Variants in NFIB observed in about 807,000 individuals in gnomAD.
NFIB encodes the protein nuclear factor 1 B-type.
In NFIB, 11 loss-of-function variants were observed where a neutral mutation model predicts 61.5. The observed-to-expected ratio is 0.18, with a 90% confidence interval of 0.11 to 0.30. The LOEUF (loss-of-function observed/expected upper bound fraction) is 0.30. NFIB is among the 10% of genes least tolerant of loss of function. The pLI is 1.00. For synonymous variants in NFIB, 260 were observed against 216.5 expected (o/e 1.20, Z -1.76); for missense variants, 471 against 608.9 (o/e 0.77, Z 2.38).
At chr9:14,153,480 C>T (rs775704535) in intron 4 of NFIB, among the ~76,000 whole-genome samples, 5 of 151,972 alleles carry the variant, frequency 3.3e-5, no homozygotes, top group African/African-American at 7.2e-5. Context: ...AAGAGGATGC[C>T]GATATCCTCT....
intron 2 of NFIB, among the ~76,000 whole-genome samples, chr9:14,275,397 T>C (rs1370007481): frequency 6.6e-6 from 1 of 152,124 alleles, no homozygotes; most frequent in Admixed American, 6.5e-5. Flanking sequence ...CCATCAATCA[T>C]AAAGTCATAG....
chr9:14,434,173 A>G, the NFIB span, among the ~76,000 whole-genome samples: 1 of 152,246 alleles, frequency 6.6e-6, no homozygotes, highest in African/African-American at 2.4e-5. Context: ...GAACAATAAT[A>G]AATTCCTTGA....
intron 1 of NFIB, among the ~76,000 whole-genome samples, chr9:14,345,045 G>C (rs1024780891): frequency 6.6e-6 from 1 of 152,118 alleles, no homozygotes; most frequent in African/African-American, 2.4e-5. Context: ...AGCTCCAGGG[G>C]TTCTGGGAGT....
intron 1 of NFIB, among the ~76,000 whole-genome samples, chr9:14,311,521 T>C (rs746568606): frequency 2.7e-5 from 4 of 148,994 alleles, no homozygotes; most frequent in Non-Finnish European, 6.0e-5. Context: ...ATTATTAAAA[T>C]AGTAGAGAAT....
chr9:14,246,166 C>T (rs139791374), intron 2 of NFIB, among the ~76,000 whole-genome samples: 311 of 151,862 alleles, frequency 2.0e-3, no homozygotes, highest in African/African-American at 7.4e-3. Context: ...ACTTAAAACT[C>T]GCCAGTCTAA....
At chr9:14,449,377 G>A in the NFIB span, among the ~76,000 whole-genome samples, 1 of 152,170 alleles carries the variant, frequency 6.6e-6, no homozygotes, top group Non-Finnish European at 1.5e-5. Context: ...ATTGGCCTAA[G>A]ATGGAACCTG....
intron 1 of NFIB, among the ~76,000 whole-genome samples, chr9:14,384,989 G>A (rs1325678686): frequency 6.6e-6 from 1 of 152,178 alleles, no homozygotes; most frequent in African/African-American, 2.4e-5. Flanking sequence ...TTTCAGGTAA[G>A]TAGCCTCTGT....
intron 4 of NFIB, among the ~76,000 whole-genome samples, chr9:14,153,058 A>G (rs1294482724): frequency 6.6e-6 from 1 of 152,112 alleles, no homozygotes; most frequent in East Asian, 1.9e-4. Flanking sequence ...GAAATGATAA[A>G]TGTTTGAGAT....
chr9:14,435,551 T>C, the NFIB span, among the ~76,000 whole-genome samples: 1 of 152,222 alleles, frequency 6.6e-6, no homozygotes, highest in African/African-American at 2.4e-5. Flanking sequence ...GATAAGTACA[T>C]GTCAACCTAA....
intron 2 of NFIB, among the ~76,000 whole-genome samples, chr9:14,221,175 A>C (rs995728386): frequency 1.4e-4 from 21 of 152,292 alleles, no homozygotes; most frequent in Admixed American, 1.1e-3. Context: ...CTACTTCCCC[A>C]TATCGCAAAG....
At chr9:14,529,643 A>G in the NFIB span, among the ~76,000 whole-genome samples, 1 of 152,238 alleles carries the variant, frequency 6.6e-6, no homozygotes, top group Non-Finnish European at 1.5e-5. Context: ...TAGGTTTTCC[A>G]CAAAGCATCT....
chr9:14,210,405 A>G (rs1230558114), intron 2 of NFIB, among the ~76,000 whole-genome samples: 2 of 152,182 alleles, frequency 1.3e-5, no homozygotes, highest in Non-Finnish European at 2.9e-5. Context: ...AACTTTAAAA[A>G]TAACGAAAAA....
chr9:14,294,065 T>C (rs993042011), intron 2 of NFIB, among the ~76,000 whole-genome samples: 4 of 152,228 alleles, frequency 2.6e-5, no homozygotes, highest in Admixed American at 2.6e-4. Flanking sequence ...ATACGAATGT[T>C]GGACACGAAA....
the NFIB span, among the ~76,000 whole-genome samples, chr9:14,454,675 C>T: frequency 1.7e-3 from 257 of 152,316 alleles, 1 homozygote; most frequent in African/African-American, 5.9e-3. Context: ...CCTTTTCCAT[C>T]ACTTTATTGC....
rs990657022 is a variant in NFIB at position 14,313,213 on chromosome 9, C to A, written c.30+269G>T. Among the ~76,000 whole-genome samples the A allele has an allele frequency of 1.7e-4, 26 of 151,840 alleles. No individual in the cohort carries two copies. The highest frequency in any genetic ancestry group is 3.1e-4 in the Non-Finnish European group (21 of 67,936). ...CGCACGGGGCCTCGCACTTACAGGTCCCGGCCCTGCCCACCCCCCGGCGGC... is the reference window on the plus strand; with the variant it reads ...CGCACGGGGCCTCGCACTTACAGGTACCGGCCCTGCCCACCCCCCGGCGGC... On this transcript the variant is annotated intron_variant, in intron 1 of 10. Coordinates refer to ENST00000380953, the MANE Select transcript of NFIB (RefSeq NM_001190737.2). This position sits in a 1 kb window ranked among gnomAD's most constrained non-coding sequence, Gnocchi z 4.5.
chr9:14,298,865 T>A (rs1361327499), intron 2 of NFIB, among the ~76,000 whole-genome samples: 1 of 152,192 alleles, frequency 6.6e-6, no homozygotes, highest in Non-Finnish European at 1.5e-5. Flanking sequence ...CACATCAGCT[T>A]TGGTCAATTA....
chr9:14,507,733 A>G, the NFIB span, among the ~76,000 whole-genome samples: 2 of 152,312 alleles, frequency 1.3e-5, no homozygotes, highest in Non-Finnish European at 2.9e-5. Context: ...AGTGAGAAGA[A>G]GAAAGAGGTT....
the NFIB span, among the ~76,000 whole-genome samples, chr9:14,429,883 C>A: frequency 6.6e-6 from 1 of 152,092 alleles, no homozygotes; most frequent in Non-Finnish European, 1.5e-5. Context: ...GGAAAAAAAC[C>A]ACTTATTCTT....
intron 2 of NFIB, among the ~76,000 whole-genome samples, chr9:14,284,940 T>C (rs1262651453): frequency 6.6e-6 from 1 of 152,136 alleles, no homozygotes; most frequent in Non-Finnish European, 1.5e-5. Flanking sequence ...CTTTGTGGAC[T>C]GCACAATAAA....
Sources: allele counts gnomAD v4.1 joint callset (sites outside exome capture counted in the v4.1 genomes callset), GRCh38; gene constraint gnomAD v4.1.1; non-coding constraint Gnocchi (gnomAD v3.1); transcripts MANE v1.5; gene names NCBI Gene and HGNC (gene_info 2026-07-23, HGNC 2026-07-21).